The following TIAM2 variants were observed in gnomAD, a reference collection of about 807,000 sequenced individuals.
TIAM2 encodes the protein rho guanine nucleotide exchange factor TIAM2.
TIAM2 carries 80 observed loss-of-function variants against 152.9 expected under a neutral mutation model. The observed-to-expected ratio is 0.52, with a 90% CI of 0.44 to 0.63. The LOEUF (loss-of-function observed/expected upper bound fraction) is 0.63, where lower values mean the gene tolerates loss of function less well. TIAM2 is among the 30% of genes least tolerant of loss of function. The probability of loss-of-function intolerance (pLI) is 0.00; values close to 1 mark genes in which losing one functional copy is unlikely to be tolerated. For synonymous variants in TIAM2, 804 were observed against 838.0 expected (o/e 0.96, Z 0.70); for missense variants, 1,965 against 2,120.1 (o/e 0.93, Z 1.44).
At chr6:155,057,706 C>T (rs1309140406) in intron 1 of TIAM2, among the ~76,000 whole-genome samples, 4 of 151,868 alleles carry the variant, frequency 2.6e-5, no homozygotes, top group African/African-American at 7.2e-5. Flanking sequence ...CCACCATGCC[C>T]GGCTAACTTT....
intron 1 of TIAM2, among the ~76,000 whole-genome samples, chr6:155,089,986 TA>T (rs1778265858): frequency 6.6e-6 from 1 of 152,178 alleles, no homozygotes; most frequent in African/African-American, 2.4e-5. Context: ...ATCTCCTGTC[TA>T]ACTTATCTAT....
At chr6:155,143,962 A>T (rs1253046420) in intron 5 of TIAM2, among the ~76,000 whole-genome samples, 1 of 152,182 alleles carries the variant, frequency 6.6e-6, no homozygotes, top group Non-Finnish European at 1.5e-5. Flanking sequence ...AAAAGGTTAA[A>T]TATCCCCACA....
At chr6:155,237,115 TGG>T (rs1200185765) in intron 15 of TIAM2, among the ~76,000 whole-genome samples, 1 of 152,164 alleles carries the variant, frequency 6.6e-6, no homozygotes. Context: ...CTAGATACAA[TGG>T]GGGTACAGGC....
At chr6:155,036,467 G>A (rs1434480169) in intron 1 of TIAM2, among the ~76,000 whole-genome samples, 1 of 148,590 alleles carries the variant, frequency 6.7e-6, no homozygotes, top group Non-Finnish European at 1.5e-5. Context: ...CCGGGAGGTG[G>A]AGGTTTCAGT....
chr6:155,172,686 A>AT (rs113165280), intron 9 of TIAM2, among the ~76,000 whole-genome samples: 16 of 19,642 alleles, frequency 8.1e-4, no homozygotes, highest in East Asian at 2.7e-3. Flanking sequence ...ATATATATAT[A>AT]TTTTTTTTTT....
intron 1 of TIAM2, among the ~76,000 whole-genome samples, chr6:155,016,516 G>GTAAATTTAAATGTAAATGT (rs1778588212): frequency 7.4e-6 from 1 of 134,268 alleles, no homozygotes; most frequent in Non-Finnish European, 1.8e-5. Flanking sequence ...CATTTAAATG[G>GTAAATTTAAATGTAAATGT]TATTTACATT....
At chr6:154,997,291 C>T (rs1234602266) in intron 1 of TIAM2, among the ~76,000 whole-genome samples, 2 of 152,198 alleles carry the variant, frequency 1.3e-5, no homozygotes, top group South Asian at 2.1e-4. Context: ...TTAAGCTCCT[C>T]CTCCTCCAGT....
At chr6:155,121,556 GAGACTCCTCT>G (rs1273714037) in intron 2 of TIAM2, among the ~76,000 whole-genome samples, 2 of 152,180 alleles carry the variant, frequency 1.3e-5, no homozygotes, top group African/African-American at 4.8e-5. Context: ...AGAATTTACG[GAGACTCCTCT>G]CCTTAGTGGT....
At chr6:155,235,021 G>GAGGGGA (rs1782682040) in intron 15 of TIAM2, among the ~76,000 whole-genome samples, 1 of 151,578 alleles carries the variant, frequency 6.6e-6, no homozygotes, top group Non-Finnish European at 1.5e-5. Flanking sequence ...CACAGCTAGA[G>GAGGGGA]ACAGAGCACA....
At chr6:155,209,906 T>G (rs1320806432) in intron 14 of TIAM2, among the ~76,000 whole-genome samples, 2 of 152,162 alleles carry the variant, frequency 1.3e-5, no homozygotes, top group Non-Finnish European at 2.9e-5. Flanking sequence ...CTTCTAAAGG[T>G]TCTCCAGAAA....
intron 1 of TIAM2, among the ~76,000 whole-genome samples, chr6:155,075,823 G>A (rs571495897): frequency 3.2e-4 from 48 of 152,242 alleles, no homozygotes; most frequent in South Asian, 1.7e-3. Flanking sequence ...TCTGCCATCC[G>A]TGTGAACAAT....
chr6:155,144,461 G>T, intron 5 of TIAM2, 145 bp from the exon 6 acceptor site: 1 of 710,882 alleles, frequency 1.4e-6, no homozygotes, highest in South Asian at 2.8e-5. Context: ...GTGTACTTCA[G>T]ATGCCACTTT....
intron 1 of TIAM2, among the ~76,000 whole-genome samples, chr6:155,057,098 G>A (rs1225579399): frequency 2.3e-5 from 3 of 131,994 alleles, no homozygotes; most frequent in South Asian, 2.4e-4. Context: ...GTGCAATCTC[G>A]GTTCACTGCA....
At chr6:155,047,278 A>T (rs1348177418) in intron 1 of TIAM2, among the ~76,000 whole-genome samples, 1 of 152,164 alleles carries the variant, frequency 6.6e-6, no homozygotes, top group Non-Finnish European at 1.5e-5. Flanking sequence ...TCCCTGGCTC[A>T]AGCGCTTCTC....
chr6:155,045,840 CTTTTT>C (rs11354850), intron 1 of TIAM2, among the ~76,000 whole-genome samples: 4 of 60,500 alleles, frequency 6.6e-5, no homozygotes, highest in African/African-American at 1.4e-4. Context: ...ATAGTGCCCT[CTTTTT>C]TTTTTTTTTT....
At chr6:155,094,724 G>GGTTTTTTTT (rs1554229770) in intron 2 of TIAM2, among the ~76,000 whole-genome samples, 1 of 136,190 alleles carries the variant, frequency 7.3e-6, no homozygotes, top group African/African-American at 2.7e-5. Context: ...TATATCTATG[G>GGTTTTTTTT]TTTTTTTTTT....
intron 5 of TIAM2, among the ~76,000 whole-genome samples, chr6:155,138,881 G>C (rs908057474): frequency 6.6e-6 from 1 of 152,104 alleles, no homozygotes; most frequent in African/African-American, 2.4e-5. Flanking sequence ...GGCAATAGAA[G>C]TGAGAATTTG....
At chr6:155,254,195 T>G in intron 25 of TIAM2, 135 bp downstream of exon 25, 1 of 1,043,250 alleles carries the variant, frequency 9.6e-7, no homozygotes, top group Non-Finnish European at 1.4e-6. Context: ...AAAAGGCAAC[T>G]GAGGCCGCTA....
At chr6:155,115,458 G>A (rs1425704283) in intron 2 of TIAM2, among the ~76,000 whole-genome samples, 1 of 151,822 alleles carries the variant, frequency 6.6e-6, no homozygotes, top group African/African-American at 2.4e-5. Context: ...AAATCAGCCT[G>A]GGCAACATAG....
Sources: gnomAD v4.1 joint callset for allele counts (sites outside exome capture counted in the v4.1 genomes callset) on GRCh38, gnomAD v4.1.1 for gene constraint, MANE v1.5 for transcripts, NCBI Gene and HGNC (gene_info 2026-07-23, HGNC 2026-07-21) for gene names.